Variants in EPB41 observed in about 807,000 individuals in gnomAD.
EPB41 encodes protein 4.1.
EPB41 carries 65 observed loss-of-function variants against 108.0 expected under a neutral mutation model. The ratio of observed to expected loss-of-function variants is 0.60; its 90% confidence interval spans 0.49 to 0.74. The LOEUF is 0.74. Ranked by LOEUF, EPB41 falls within the 30% of genes least tolerant of loss-of-function variation. EPB41 has a pLI of 0.00. For synonymous variants in EPB41, 336 were observed against 358.9 expected (o/e 0.94, Z 0.72); for missense variants, 875 against 1,037.0 (o/e 0.84, Z 2.15).
chr1:28,948,251 C>T (rs376571123), intron 1 of EPB41, among the ~76,000 whole-genome samples: 66 of 152,140 alleles, frequency 4.3e-4, no homozygotes, highest in African/African-American at 1.5e-3. Flanking sequence ...TGGTGACTCA[C>T]GCCTGTAATC....
At chr1:28,989,862 A>G (rs1490619760) in intron 2 of EPB41, among the ~76,000 whole-genome samples, 4 of 152,218 alleles carry the variant, frequency 2.6e-5, no homozygotes, top group African/African-American at 9.6e-5. Flanking sequence ...CATTTAATAA[A>G]TACTCAATGA....
At chr1:29,111,227 C>G (rs1266052310) in intron 18 of EPB41, among the ~76,000 whole-genome samples, 1 of 151,744 alleles carries the variant, frequency 6.6e-6, no homozygotes, top group Non-Finnish European at 1.5e-5. Context: ...TATCCAGTCT[C>G]TAAAACAGAA....
intron 2 of EPB41, among the ~76,000 whole-genome samples, chr1:28,992,744 A>G (rs1487137526): frequency 6.6e-6 from 1 of 152,192 alleles, no homozygotes. Context: ...TTTGGGGATA[A>G]TTTAAGATTG....
intron 16 of EPB41, among the ~76,000 whole-genome samples, chr1:29,084,648 ATC>A (rs1252185640): frequency 5.9e-5 from 9 of 152,276 alleles, no homozygotes; most frequent in African/African-American, 2.2e-4. Context: ...ACAGTAATAA[ATC>A]TCTGACATTT....
At chr1:29,000,679 A>G (rs1344893970) in intron 4 of EPB41, among the ~76,000 whole-genome samples, 2 of 152,184 alleles carry the variant, frequency 1.3e-5, no homozygotes, top group Admixed American at 6.5e-5. Flanking sequence ...TGGCCTTATC[A>G]TAGTCAGGGC....
intron 1 of EPB41, among the ~76,000 whole-genome samples, chr1:28,894,310 A>G (rs988466387): frequency 3.3e-5 from 5 of 152,156 alleles, no homozygotes; most frequent in African/African-American, 1.2e-4. Context: ...AGGAATGAAG[A>G]TATTTATTGA....
intron 17 of EPB41, among the ~76,000 whole-genome samples, chr1:29,106,862 C>T (rs1667379521): frequency 6.6e-6 from 1 of 150,850 alleles, no homozygotes; most frequent in African/African-American, 2.4e-5. Context: ...TGAGCCATTG[C>T]ACCCAGTCCC....
At chr1:28,907,128 G>T (rs771061740) in intron 1 of EPB41, among the ~76,000 whole-genome samples, 5 of 150,424 alleles carry the variant, frequency 3.3e-5, no homozygotes, top group Non-Finnish European at 1.5e-5. Flanking sequence ...TACAGTGTGC[G>T]ATCTTGGCTC....
At chr1:28,963,142 TAAAAC>T (rs1465881503) in intron 1 of EPB41, among the ~76,000 whole-genome samples, 1 of 152,126 alleles carries the variant, frequency 6.6e-6, no homozygotes, top group Non-Finnish European at 1.5e-5. Flanking sequence ...TTTTCTAAAA[TAAAAC>T]AAGTTTGTTT....
intron 16 of EPB41, chr1:29,070,563 T>C (rs1262964897): frequency 3.2e-6 from 4 of 1,232,074 alleles, no homozygotes. Context: ...CCTTTCATGA[T>C]GTCTTTTCTC....
In EPB41 at chr1:28,937,507, G is replaced by A. The variant is rs1418712262; in HGVS notation, c.-8+22739G>A. ...CCTCACAGGCTCAAGTGATTCTCCTGCCTCATCCTCCCAAGTAGATGGGAT... is the reference window on the plus strand; with the variant it reads ...CCTCACAGGCTCAAGTGATTCTCCTACCTCATCCTCCCAAGTAGATGGGAT... On this transcript the variant is annotated intron_variant, in intron 1 of 20. Transcript: ENST00000343067. Among the ~76,000 whole-genome samples the A allele has an allele frequency of 4.6e-5, 7 of 152,190 alleles. No individual in the cohort carries two copies. In the East Asian group the frequency reaches 5.8e-4, roughly 13 times the overall value.
intron 9 of EPB41, among the ~76,000 whole-genome samples, chr1:29,034,221 A>G (rs1282121878): frequency 6.6e-6 from 1 of 152,200 alleles, no homozygotes; most frequent in Non-Finnish European, 1.5e-5. Flanking sequence ...TATTCAATCA[A>G]CAAATATTTA....
At position 29,119,396 on chromosome 1, in the gene EPB41, T is replaced by A. The variant is rs1671505037; in HGVS notation, c.*2584T>A. On this transcript the variant is annotated 3_prime_UTR_variant, in exon 21 of 21. Coordinates refer to ENST00000343067, the MANE Select transcript of EPB41 (RefSeq NM_001376013.1). The stretch of plus-strand genomic sequence containing the variant: ...CCAGGGTCAGAAACTTGGCAACAGT[T>A]TTCCTAGAGTGACTCAGACACACCA... The A allele has an allele frequency of 6.6e-6, 1 of 152,594 alleles. No individual in the cohort carries two copies. The highest frequency in any genetic ancestry group is 2.1e-4 in the South Asian group (1 of 4,830). The allele number at this position is 152,594 out of a possible 1,614,324, so 9.5% of individuals were successfully genotyped here. A position where few individuals can be genotyped will look rare whatever the true frequency, so the allele number is the denominator to read the frequency against.
chr1:29,040,839 A>T (rs1219838338), intron 11 of EPB41, among the ~76,000 whole-genome samples: 3 of 152,254 alleles, frequency 2.0e-5, no homozygotes, highest in African/African-American at 7.2e-5. Flanking sequence ...AGAGTGGCTA[A>T]TAAATAAAAA....
chr1:29,094,072 G>T (rs920176014), intron 16 of EPB41, among the ~76,000 whole-genome samples: 1 of 151,950 alleles, frequency 6.6e-6, no homozygotes, highest in Non-Finnish European at 1.5e-5. Context: ...TTGTGTATAT[G>T]GCTAGTCAGT....
chr1:28,912,125 C>T (rs1386893540), upstream of EPB41, among the ~76,000 whole-genome samples: 1 of 152,138 alleles, frequency 6.6e-6, no homozygotes, highest in Admixed American at 6.5e-5. Flanking sequence ...ACTCAGTTTC[C>T]TTATATGTAA....
intron 1 of EPB41, chr1:28,902,456 T>A: frequency 2.3e-6 from 2 of 879,952 alleles, no homozygotes; most frequent in Non-Finnish European, 1.4e-6. Context: ...CAGAGAGCTG[T>A]GCTAGACACT....
At chr1:28,933,340 T>C (rs1444338006) in intron 1 of EPB41, among the ~76,000 whole-genome samples, 1 of 152,228 alleles carries the variant, frequency 6.6e-6, no homozygotes, top group African/African-American at 2.4e-5. Flanking sequence ...GGTATTTTCC[T>C]TTTATGAATC....
At chr1:29,064,722 GAGTTC>G (rs1164328629) in intron 15 of EPB41, among the ~76,000 whole-genome samples, 3 of 152,118 alleles carry the variant, frequency 2.0e-5, no homozygotes, top group African/African-American at 7.2e-5. Flanking sequence ...ATTAAGGCGT[GAGTTC>G]TTTATGGGTT....
Sources: allele counts gnomAD v4.1 joint callset (sites outside exome capture counted in the v4.1 genomes callset), GRCh38; gene constraint gnomAD v4.1.1; transcripts MANE v1.5; gene names NCBI Gene and HGNC (gene_info 2026-07-23, HGNC 2026-07-21).